The following PRH1 variants were observed in gnomAD, a reference collection of about 807,000 sequenced individuals.
PRH1 encodes proline rich protein HaeIII subfamily 1, also known as salivary acidic proline-rich phosphoprotein 1/2.
Under a neutral mutation model 7.9 loss-of-function variants are expected in PRH1, and 7 were observed. That is an observed-to-expected ratio of 0.89 (90% CI 0.50 to 1.67). The LOEUF (loss-of-function observed/expected upper bound fraction) is 1.67. PRH1 is among the 40% of genes most tolerant of loss of function. The pLI is 0.00. For missense variants in PRH1, 109 were observed against 223.6 expected, an observed-to-expected ratio of 0.49 and a Z score of 3.27; for synonymous variants, 45 against 80.8, an observed-to-expected ratio of 0.56 and a Z score of 2.38.
chr12:10,923,340 G>C (rs1950079089), intron 2 of PRH1, among the ~76,000 whole-genome samples: 1 of 150,938 alleles, frequency 6.6e-6, no homozygotes, highest in East Asian at 2.0e-4. Context: ...CATTGGCCAG[G>C]CTGGTCTTGA....
chr12:10,933,759 G>A (rs967286121), intron 2 of PRH1, among the ~76,000 whole-genome samples: 1 of 152,050 alleles, frequency 6.6e-6, no homozygotes, highest in Non-Finnish European at 1.5e-5. Context: ...ATGTGTATCT[G>A]CAACACCCTG....
chr12:11,014,786 A>G (rs1941215680), intron 1 of PRH1, among the ~76,000 whole-genome samples: 1 of 152,158 alleles, frequency 6.6e-6, no homozygotes, highest in Non-Finnish European at 1.5e-5. Flanking sequence ...CAGTACCCAG[A>G]GGAAAGGACA....
upstream of PRH1, among the ~76,000 whole-genome samples, chr12:10,887,836 T>C (rs143584767): frequency 1.1e-4 from 16 of 152,234 alleles, no homozygotes; most frequent in African/African-American, 3.6e-4. Context: ...ATGTTGTCGA[T>C]GTTGTTTTCA....
chr12:11,142,524 T>C (rs1466646835), intron 1 of PRH1, among the ~76,000 whole-genome samples: 2 of 151,786 alleles, frequency 1.3e-5, no homozygotes, highest in African/African-American at 4.8e-5. Context: ...CAACTGAGAG[T>C]CCAGAAACTA....
chr12:11,060,378 GT>G (rs370423634), intron 1 of PRH1, among the ~76,000 whole-genome samples: 2 of 134,716 alleles, frequency 1.5e-5, no homozygotes, highest in African/African-American at 2.6e-5. Context: ...TACATTGATA[GT>G]TTTTTTTTAG....
intron 1 of PRH1, among the ~76,000 whole-genome samples, chr12:11,042,991 A>T (rs1020698562): frequency 3.9e-5 from 6 of 152,176 alleles, no homozygotes; most frequent in African/African-American, 7.2e-5. Flanking sequence ...ACATTGAAAA[A>T]GGAAAACTAC....
chr12:10,901,136 C>G (rs949637717), intron 2 of PRH1, among the ~76,000 whole-genome samples: 1 of 152,172 alleles, frequency 6.6e-6, no homozygotes, highest in East Asian at 1.9e-4. Context: ...GTTCACAGAT[C>G]CATGTACTGG....
chr12:11,070,988 T>TTTA (rs370496338), intron 1 of PRH1, among the ~76,000 whole-genome samples: 4 of 146,104 alleles, frequency 2.7e-5, no homozygotes, highest in African/African-American at 1.0e-4. Flanking sequence ...TTATGATTTT[T>TTTA]ATTATTATTT....
intron 1 of PRH1, among the ~76,000 whole-genome samples, chr12:11,161,047 T>C (rs1012513712): frequency 6.6e-6 from 1 of 152,156 alleles, no homozygotes; most frequent in Non-Finnish European, 1.5e-5. Context: ...CTGAACAATG[T>C]AATGTGAGTG....
intron 2 of PRH1, among the ~76,000 whole-genome samples, chr12:10,889,760 A>G (rs781769912): frequency 1.8e-4 from 27 of 152,156 alleles, no homozygotes; most frequent in Non-Finnish European, 3.1e-4. Flanking sequence ...CCTCAAGAAC[A>G]CTGTCTTTCC....
chr12:11,113,321 A>T (rs1592038127), intron 1 of PRH1, among the ~76,000 whole-genome samples: 1 of 152,332 alleles, frequency 6.6e-6, no homozygotes, highest in South Asian at 2.1e-4. Flanking sequence ...GTATACTACA[A>T]GTCTACAGTA....
chr12:10,912,323 C>T (rs1237192094), intron 2 of PRH1, among the ~76,000 whole-genome samples: 1 of 152,018 alleles, frequency 6.6e-6, no homozygotes, highest in East Asian at 1.9e-4. Context: ...CCTATTTCTT[C>T]TGGTCTTGTT....
intron 1 of PRH1, among the ~76,000 whole-genome samples, chr12:11,027,976 G>C (rs899409079): frequency 6.6e-6 from 1 of 152,216 alleles, no homozygotes; most frequent in African/African-American, 2.4e-5. Context: ...CATAAAGCCA[G>C]CCATGACTGG....
intron 2 of PRH1, among the ~76,000 whole-genome samples, chr12:10,893,832 C>T (rs914926201): frequency 2.0e-5 from 3 of 151,942 alleles, no homozygotes; most frequent in East Asian, 1.9e-4. Flanking sequence ...TTAGAGAGAA[C>T]GTAATTGTTC....
chr12:11,046,981 A>C, intron 1 of PRH1: 1 of 483,384 alleles, frequency 2.1e-6, no homozygotes, highest in East Asian at 6.0e-5. Flanking sequence ...AATCATCAAG[A>C]TTAGTGGTTT....
At chr12:11,157,498 T>C (rs1214673585) in intron 1 of PRH1, among the ~76,000 whole-genome samples, 1 of 152,240 alleles carries the variant, frequency 6.6e-6, no homozygotes, top group Non-Finnish European at 1.5e-5. Context: ...TCTTTTGAAA[T>C]AAGAGTTTAA....
rs760355094 is a variant in PRH1, at chr12:10,883,065, T to C, written c.96A>G (p.Ile32Met). ...DVSQEDVPLV[I>M]SDGGDSEQFL... ...TGAGAATTTATTGGGATTTACCTGA[T>C]ATTACGAGGGGAACATCTTCCTGGC... Residue 32 changes from isoleucine to methionine, a missense_variant, in exon 2 of 4, where the codon ATA (isoleucine) becomes ATG (methionine). Physicochemically the swap from Ile to Met is conservative, Grantham distance 10. Coordinates refer to ENST00000543626, the MANE Select transcript of PRH1 (RefSeq NM_001393989.1). The C allele has an allele frequency of 3.1e-6, 5 of 1,613,194 alleles. No homozygotes were observed. In the South Asian group the frequency reaches 5.5e-5, roughly 18 times the overall value.
At chr12:10,924,204 G>C (rs1950093985) in intron 2 of PRH1, among the ~76,000 whole-genome samples, 1 of 151,872 alleles carries the variant, frequency 6.6e-6, no homozygotes, top group South Asian at 2.1e-4. Flanking sequence ...AGCCAGGATG[G>C]TCTCCATCTC....
intron 1 of PRH1, among the ~76,000 whole-genome samples, chr12:11,035,676 C>T (rs1475389460): frequency 6.6e-6 from 1 of 152,164 alleles, no homozygotes; most frequent in African/African-American, 2.4e-5. Context: ...TCTAGGCATT[C>T]TCCTGCAACT....
Sources: gnomAD v4.1 joint callset for allele counts (sites outside exome capture counted in the v4.1 genomes callset) on GRCh38, gnomAD v4.1.1 for gene constraint, MANE v1.5 for transcripts, NCBI Gene and HGNC (gene_info 2026-07-23, HGNC 2026-07-21) for gene names.